The following ZNF451 variants were observed in gnomAD, a reference collection of about 807,000 sequenced individuals.
ZNF451 encodes E3 SUMO-protein ligase ZNF451.
Under a neutral mutation model 107.1 loss-of-function variants are expected in ZNF451, and 80 were observed. That is an observed-to-expected ratio of 0.75 (90% CI 0.62 to 0.90). ZNF451 has a LOEUF of 0.90. Ranked by LOEUF, ZNF451 falls within the 40% of genes least tolerant of loss-of-function variation. ZNF451 has a pLI of 0.00. For synonymous variants in ZNF451, 362 were observed against 406.5 expected, an observed-to-expected ratio of 0.89 and a Z score of 1.32; for missense variants, 1,107 against 1,236.2, an observed-to-expected ratio of 0.90 and a Z score of 1.57.
intron 3 of ZNF451, chr6:57,107,757 G>C (rs1829933414): frequency 8.1e-6 from 8 of 985,124 alleles, no homozygotes; most frequent in Non-Finnish European, 9.6e-6. Context: ...GGACTTTGGA[G>C]ATCTCTCAAG....
At chr6:57,124,627 T>C (rs1009592427) in intron 3 of ZNF451, 107 bp from the exon 4 acceptor site, 6 of 831,200 alleles carry the variant, frequency 7.2e-6, no homozygotes, top group Admixed American at 2.5e-5. Context: ...TAGGTTCTTA[T>C]AACTCAAGTA....
chr6:57,149,073 C>A (rs1294728541), intron 10 of ZNF451, among the ~76,000 whole-genome samples: 1 of 151,924 alleles, frequency 6.6e-6, no homozygotes, highest in Non-Finnish European at 1.5e-5. Context: ...CACGTGAATT[C>A]TTTTTGTTTC....
chr6:57,103,729 T>G lies in ZNF451; in HGVS notation c.186+4588T>G, dbSNP rs1046304306. 4.1e-6 allele frequency: 4 copies of G among 985,230 alleles called. No individual in the cohort carries two copies. The African/African-American group carries it at 7.0e-5, about 17-fold the overall frequency. The allele number at this position is 985,230 out of a possible 1,614,324, so 61.0% of individuals were successfully genotyped here. On this transcript the variant is annotated intron_variant, in intron 3 of 14. Coordinates refer to ENST00000370706, the MANE Select transcript of ZNF451 (RefSeq NM_001031623.3). ...CAAGGCATTTTGGATGTACTGCTAA[T>G]GGAATATGGCACTGTTTTACGGTTT...
In ZNF451 at chr6:57,124,780, T is replaced by C. The variant is rs1273163494; in HGVS notation, c.233T>C (p.Val78Ala). ...CATATTGATTATCAGAAGGATAAAG[T>C]TGCTTTAACTCTGGCTCGTCTAGCC... is the stretch of plus-strand genomic sequence containing the variant. The part of the protein sequence containing the change: ...KDHIDYQKDK[V>A]ALTLARLARH... Residue 78 changes from valine to alanine, a missense_variant, in exon 4 of 15, where the codon GTT becomes GCT. By Grantham distance (64) the Val-to-Ala change is moderately conservative. Around this residue, in one of 5 missense-constraint regions of ZNF451, gnomAD observed 339 missense variants for 372.8 expected, o/e 0.91. Transcript: ENST00000370706. 2 of 1,604,122 alleles carry C rather than the reference T, an allele frequency of 1.2e-6. No individual in the cohort carries two copies.
chr6:57,098,111 A>G (rs998138573), intron 2 of ZNF451, among the ~76,000 whole-genome samples: 3 of 150,894 alleles, frequency 2.0e-5, no homozygotes, highest in Non-Finnish European at 3.0e-5. Context: ...CTGGGACTAC[A>G]GGCACGCACC....
At chr6:57,105,349 T>C in intron 3 of ZNF451, 12 of 983,944 alleles carry the variant, frequency 1.2e-5, no homozygotes, top group African/African-American at 1.7e-5. Context: ...GTAGTTACTG[T>C]GTATAGAGAA....
chr6:57,149,476 C>G (rs959789325), intron 10 of ZNF451, among the ~76,000 whole-genome samples: 8 of 152,010 alleles, frequency 5.3e-5, no homozygotes, highest in Non-Finnish European at 1.2e-4. Context: ...AACTCCTGGC[C>G]TTAAGCAATC....
intron 2 of ZNF451, among the ~76,000 whole-genome samples, chr6:57,091,950 C>T (rs1829067753): frequency 6.6e-6 from 1 of 151,984 alleles, no homozygotes; most frequent in Non-Finnish European, 1.5e-5. Context: ...AATTTCTTTC[C>T]CTTTACCAGT....
In ZNF451 at chr6:57,168,529, G is replaced by C; in HGVS notation, c.*60G>C. The C allele has an allele frequency of 1.4e-6, 2 of 1,392,344 alleles. No homozygotes were observed. The highest frequency in any genetic ancestry group is 1.8e-4 in the Middle Eastern group (1 of 5,662). The allele number at this position is 1,392,344 out of a possible 1,614,324, so 86.2% of individuals were successfully genotyped here. A position where few individuals can be genotyped will look rare whatever the true frequency, so the allele number is the denominator to read the frequency against. On this transcript the variant is annotated 3_prime_UTR_variant, in exon 15 of 15. Coordinates refer to ENST00000370706, the MANE Select transcript of ZNF451 (RefSeq NM_001031623.3). ...GAAGAGACTGAGATAACGAATTCTTGAGTTTGTTTTCTAAAGGAGACCAGA... is the reference window on the plus strand; with the variant it reads ...GAAGAGACTGAGATAACGAATTCTTCAGTTTGTTTTCTAAAGGAGACCAGA...
chr6:57,153,407 T>TC (rs199649304), intron 12 of ZNF451, among the ~76,000 whole-genome samples: 1,769 of 140,226 alleles, frequency 0.013, 36 homozygotes, highest in African/African-American at 0.046. Flanking sequence ...TCTTTCTCTC[T>TC]TTTTTTTTTT....
Position 57,148,601 on chromosome 6 carries a change from A to G in ZNF451, c.2516A>G (p.His839Arg). 2 of 1,614,138 alleles carry G rather than the reference A, an allele frequency of 1.2e-6. No individual in the cohort carries two copies. The highest frequency in any genetic ancestry group is 8.5e-7 in the Non-Finnish European group (1 of 1,179,968). Residue 839 changes from histidine to arginine, a missense_variant, in exon 10 of 15, where the codon CAT (histidine) becomes CGT (arginine). Coordinates refer to ENST00000370706, the MANE Select transcript of ZNF451 (RefSeq NM_001031623.3). ...TACAAGTTTACTGCTAGTGCCTCACATACAGAGAGAAAACTGAAACAGGCA... is the reference window on the plus strand; with the variant it reads ...TACAAGTTTACTGCTAGTGCCTCACGTACAGAGAGAAAACTGAAACAGGCA... ...NLYKFTASAS[H>R]TERKLKQAIN...
chr6:57,160,586 C>T (rs535136708), intron 13 of ZNF451, among the ~76,000 whole-genome samples: 4 of 152,198 alleles, frequency 2.6e-5, no homozygotes, highest in Admixed American at 6.5e-5. Flanking sequence ...CCACCCACTT[C>T]GGCCTCCCAA....
At chr6:57,138,727 A>ATGTG (rs1253099714) in intron 7 of ZNF451, among the ~76,000 whole-genome samples, 95 of 114,352 alleles carry the variant, frequency 8.3e-4, no homozygotes, top group Non-Finnish European at 1.3e-3. Context: ...ATATATATAT[A>ATGTG]TATATATATA....
At chr6:57,155,173 TAAAAC>T (rs1475495736) in intron 13 of ZNF451, among the ~76,000 whole-genome samples, 4 of 151,980 alleles carry the variant, frequency 2.6e-5, no homozygotes, top group African/African-American at 7.3e-5. Flanking sequence ...TCTTTTTTCT[TAAAAC>T]AAAAAACAAA....
intron 3 of ZNF451, among the ~76,000 whole-genome samples, chr6:57,111,748 A>G (rs529842760): frequency 6.6e-6 from 1 of 152,320 alleles, no homozygotes; most frequent in East Asian, 1.9e-4. Context: ...AGGAGGATGT[A>G]AGTCATTTTC....
chr6:57,160,455 T>A (rs1763622602), intron 13 of ZNF451, among the ~76,000 whole-genome samples: 1 of 152,110 alleles, frequency 6.6e-6, no homozygotes, highest in Non-Finnish European at 1.5e-5. Context: ...TACCTCAGCC[T>A]CCCAAGTAGC....
intron 4 of ZNF451, among the ~76,000 whole-genome samples, chr6:57,125,838 T>C (rs1437747191): frequency 1.3e-5 from 2 of 151,940 alleles, no homozygotes; most frequent in African/African-American, 4.8e-5. Context: ...ATTGCATATA[T>C]ACACACACAC....
intron 2 of ZNF451, among the ~76,000 whole-genome samples, chr6:57,093,531 A>G (rs1178788738): frequency 6.6e-6 from 1 of 152,228 alleles, no homozygotes; most frequent in East Asian, 1.9e-4. Context: ...AATACATCCT[A>G]CCCTTAAGGG....
At chr6:57,138,838 A>C (rs1831605117) in intron 7 of ZNF451, among the ~76,000 whole-genome samples, 2 of 136,950 alleles carry the variant, frequency 1.5e-5, no homozygotes, top group African/African-American at 5.4e-5. Flanking sequence ...ATTCCTGGGC[A>C]AAGCAGTCCT....
Sources: gnomAD v4.1 joint callset for allele counts (sites outside exome capture counted in the v4.1 genomes callset) on GRCh38, gnomAD v4.1.1 for gene constraint, gnomAD v4.1.1 regional missense constraint, MANE v1.5 for transcripts, NCBI Gene and HGNC (gene_info 2026-07-23, HGNC 2026-07-21) for gene names.